ITGB8: variants seen among roughly 807,000 people sequenced by gnomAD.
The protein encoded by ITGB8 is integrin subunit beta 8, also known as integrin beta-8.
In ITGB8, 30 loss-of-function variants were observed where a neutral mutation model predicts 89.5. The ratio of observed to expected loss-of-function variants is 0.34; its 90% confidence interval spans 0.25 to 0.45. The LOEUF is 0.45. Ranked by LOEUF, ITGB8 falls within the 20% of genes least tolerant of loss-of-function variation. The pLI, the probability that ITGB8 is intolerant of heterozygous loss-of-function variation, is 1.00. For missense variants in ITGB8, 836 were observed against 933.3 expected (o/e 0.90, Z 1.36); for synonymous variants, 335 against 320.4 (o/e 1.05, Z -0.49).
At chr7:20,344,288 T>G (rs1784852857) in intron 1 of ITGB8, among the ~76,000 whole-genome samples, 1 of 107,494 alleles carries the variant, frequency 9.3e-6, no homozygotes, top group South Asian at 4.4e-4. Flanking sequence ...TAGTTTTAAT[T>G]TTTCTCATTT....
chr7:20,409,924 G>A lies in ITGB8; in HGVS notation c.2237G>A (p.Arg746His), dbSNP rs770751693. 1.6e-5 allele frequency: 26 copies of A among 1,613,614 alleles called. No individual in the cohort carries two copies. Among genetic ancestry groups the A allele is most frequent in the Middle Eastern group, 1.7e-4 (1 of 6,034 alleles). The change falls in exon 14 of 14, where the codon CGT becomes CAT. Residue 746 changes from arginine to histidine, a missense_variant. Transcript: ENST00000222573. ...TGCACAAGAGCAGTCACCTACCGAC[G>A]TGAGAAGCCTGAAGAAATAAAAATG... ...SVCTRAVTYRREKPEEIKMDI... is the reference protein window; with the variant it reads ...SVCTRAVTYRHEKPEEIKMDI...
At chr7:20,407,656 C>G (rs1259155214) in intron 12 of ITGB8, among the ~76,000 whole-genome samples, 1 of 152,216 alleles carries the variant, frequency 6.6e-6, no homozygotes, top group Non-Finnish European at 1.5e-5. Context: ...GTGCTGCCAG[C>G]TGGAGCTGCG....
chr7:20,399,075 G>T, intron 9 of ITGB8, 81 bp downstream of exon 9: 1 of 1,453,928 alleles, frequency 6.9e-7, no homozygotes, highest in Non-Finnish European at 9.3e-7. Flanking sequence ...AAACCATTCT[G>T]AAAAATTTTA....
rs972747452 is a variant in ITGB8, at chr7:20,331,728, C to T, written c.-79C>T. 1.3e-6 allele frequency: 2 copies of T among 1,482,618 alleles called. No individual in the cohort carries two copies. Among genetic ancestry groups the T allele is most frequent in the Non-Finnish European group, 1.8e-6 (2 of 1,112,890 alleles). 91.8% of individuals were successfully genotyped at this position (1,482,618 alleles called of 1,614,324 possible). On this transcript the variant is annotated 5_prime_UTR_variant, in exon 1 of 14. Transcript: ENST00000222573. ...TCCTAGCGACACTCGGCCCGCGGGCCCCGAGGTGCGCCCGGGAGGCGCGAG... is the reference window on the plus strand; with the variant it reads ...TCCTAGCGACACTCGGCCCGCGGGCTCCGAGGTGCGCCCGGGAGGCGCGAG...
chr7:20,334,667 C>T (rs1463703370), intron 1 of ITGB8, among the ~76,000 whole-genome samples: 1 of 152,068 alleles, frequency 6.6e-6, no homozygotes, highest in Non-Finnish European at 1.5e-5. Flanking sequence ...TTTAAAAGAA[C>T]CAAGGTATCA....
intron 6 of ITGB8, among the ~76,000 whole-genome samples, chr7:20,389,097 G>T (rs1053393214): frequency 1.3e-5 from 2 of 152,028 alleles, no homozygotes. Context: ...TGAAATGCAT[G>T]TGTCTTTATA....
At chr7:20,362,702 C>T (rs1785550739) in intron 1 of ITGB8, among the ~76,000 whole-genome samples, 1 of 152,162 alleles carries the variant, frequency 6.6e-6, no homozygotes, top group Admixed American at 6.5e-5. Context: ...ACAGATCACA[C>T]CGTGACTTCC....
intron 1 of ITGB8, among the ~76,000 whole-genome samples, chr7:20,349,743 A>G (rs897891298): frequency 2.6e-5 from 4 of 152,230 alleles, no homozygotes; most frequent in Non-Finnish European, 5.9e-5. Flanking sequence ...TCTAAAAATC[A>G]TAGTTTAATG....
At chr7:20,362,838 A>G (rs1785555687) in intron 1 of ITGB8, among the ~76,000 whole-genome samples, 1 of 152,184 alleles carries the variant, frequency 6.6e-6, no homozygotes, top group Admixed American at 6.5e-5. Flanking sequence ...AACCTATACT[A>G]ATGAGCCTTA....
intron 1 of ITGB8, among the ~76,000 whole-genome samples, chr7:20,339,612 A>G (rs1286933153): frequency 6.6e-6 from 1 of 152,242 alleles, no homozygotes; most frequent in Non-Finnish European, 1.5e-5. Context: ...ATATTAGTTT[A>G]GGAAACAAAA....
At chr7:20,361,114 G>A (rs186982786) in intron 1 of ITGB8, among the ~76,000 whole-genome samples, 9 of 151,930 alleles carry the variant, frequency 5.9e-5, no homozygotes, top group Admixed American at 1.3e-4. Context: ...GTGATGTTGA[G>A]CTTTTTTTCA....
rs771385306 is a variant in ITGB8 at position 20,401,900 on chromosome 7, A to G, written c.1461A>G (p.Leu487=). The G allele has an allele frequency of 6.2e-7, 1 of 1,613,936 alleles. No homozygotes were observed. Among genetic ancestry groups the G allele is most frequent in the South Asian group, 1.1e-5 (1 of 91,042 alleles). Residue 487 remains leucine, a synonymous_variant, in exon 10 of 14, where the codon CTA becomes CTG. Coordinates refer to ENST00000222573, the MANE Select transcript of ITGB8 (RefSeq NM_002214.3). ...PKGKCVDETF[L]DSKCFQCDEN... ...GAAAGTGTGTAGATGAAACTTTTCT[A>G]GATTCCAAGTGTTTCCAGTGTGATG...
At chr7:20,387,229 A>G (rs940888461) in intron 6 of ITGB8, among the ~76,000 whole-genome samples, 17 of 152,182 alleles carry the variant, frequency 1.1e-4, no homozygotes, top group African/African-American at 1.7e-4. Context: ...ATGAGGAGGG[A>G]AAAAGGTGCT....
intron 8 of ITGB8, among the ~76,000 whole-genome samples, chr7:20,395,698 A>G (rs896422498): frequency 6.6e-6 from 1 of 152,224 alleles, no homozygotes; most frequent in Non-Finnish European, 1.5e-5. Flanking sequence ...GTCACTTTAC[A>G]TACATGACCT....
At chr7:20,348,838 A>G (rs1445595266) in intron 1 of ITGB8, among the ~76,000 whole-genome samples, 1 of 152,204 alleles carries the variant, frequency 6.6e-6, no homozygotes, top group Non-Finnish European at 1.5e-5. Context: ...TATGTTTGCA[A>G]AGCACTGTTG....
intron 1 of ITGB8, among the ~76,000 whole-genome samples, chr7:20,333,221 C>G (rs571909102): frequency 6.6e-6 from 1 of 152,212 alleles, no homozygotes; most frequent in African/African-American, 2.4e-5. Context: ...ATATTTGTTT[C>G]AGGGAGATTT....
chr7:20,360,050 A>G (rs1224634022), intron 1 of ITGB8, among the ~76,000 whole-genome samples: 2 of 152,124 alleles, frequency 1.3e-5, no homozygotes, highest in Non-Finnish European at 2.9e-5. Flanking sequence ...AAGCCCTGGA[A>G]CCTGGGAAGT....
chr7:20,381,232 G>T (rs568241665), intron 5 of ITGB8: 1 of 157,660 alleles, frequency 6.3e-6, no homozygotes, highest in Non-Finnish European at 1.4e-5. Flanking sequence ...GCGCCATCTC[G>T]GCTCACTGCA....
rs202037239 is a variant in ITGB8 at position 20,368,581 on chromosome 7, A to C, written c.388+1395A>C. Reference sequence around the variant, plus strand: ...CAAATATGCCTATTTTTCTAATTGAATGCCAATTTTCAGCAGCTTATATAT... The same window carrying C: ...CAAATATGCCTATTTTTCTAATTGACTGCCAATTTTCAGCAGCTTATATAT... On this transcript the variant is annotated intron_variant, in intron 3 of 13. Coordinates refer to ENST00000222573, the MANE Select transcript of ITGB8 (RefSeq NM_002214.3). Among the ~76,000 whole-genome samples the C allele has an allele frequency of 5.3e-5, 8 of 152,258 alleles. No homozygotes were observed. In the East Asian group the frequency reaches 1.5e-3, roughly 29 times the overall value.
Sources: allele counts gnomAD v4.1 joint callset (sites outside exome capture counted in the v4.1 genomes callset), GRCh38; gene constraint gnomAD v4.1.1; transcripts MANE v1.5; gene names NCBI Gene and HGNC (gene_info 2026-07-23, HGNC 2026-07-21).